The following CSMD1 variants were observed in gnomAD, a reference collection of about 807,000 sequenced individuals.
CSMD1 encodes the protein CUB and sushi domain-containing protein 1.
Under a neutral mutation model 417.5 loss-of-function variants are expected in CSMD1, and 213 were observed. The observed-to-expected ratio is 0.51, with a 90% confidence interval of 0.46 to 0.57. The LOEUF (loss-of-function observed/expected upper bound fraction) is 0.57. Ranked by LOEUF, CSMD1 falls within the 20% of genes least tolerant of loss-of-function variation. CSMD1 has a pLI of 0.00. For missense variants in CSMD1, 6,923 were observed against 4,529.7 expected (o/e 1.53, Z -15.17); for synonymous variants, 2,862 against 1,736.8 (o/e 1.65, Z -16.11).
intron 3 of CSMD1, among the ~76,000 whole-genome samples, chr8:4,067,850 G>C (rs1338690615): frequency 1.3e-5 from 2 of 152,112 alleles, no homozygotes; most frequent in Non-Finnish European, 2.9e-5. Context: ...AGGCCGAGGT[G>C]GGCGGATCAT....
At chr8:4,438,640 G>T (rs752381425) in intron 2 of CSMD1, among the ~76,000 whole-genome samples, 4 of 152,160 alleles carry the variant, frequency 2.6e-5, no homozygotes, top group Non-Finnish European at 5.9e-5. Flanking sequence ...TTATCCCATG[G>T]AGTAGTATTT....
rs76906462 is a variant in CSMD1 at position 4,647,371 on chromosome 8, C to G, written c.86-9813G>C. 1.6e-4 allele frequency among the ~76,000 whole-genome samples: 16 copies of G among 102,814 alleles called. No individual in the cohort carries two copies. In the East Asian group the frequency reaches 1.8e-3, roughly 12 times the overall value. 67.4% of individuals were successfully genotyped at this position (102,814 alleles called of 152,430 possible). ...ACGCGTGTGCCACGGCGGCCTGCTACGTAGGTACGCGTGTGCCACGGAGGT... is the reference window on the plus strand; with the variant it reads ...ACGCGTGTGCCACGGCGGCCTGCTAGGTAGGTACGCGTGTGCCACGGAGGT... On this transcript the variant is annotated intron_variant, in intron 1 of 69. Transcript: ENST00000635120.
At chr8:3,405,131 C>G (rs914639628) in intron 15 of CSMD1, among the ~76,000 whole-genome samples, 1 of 152,122 alleles carries the variant, frequency 6.6e-6, no homozygotes, top group African/African-American at 2.4e-5. Context: ...AATAATACGT[C>G]TCATTCACCT....
chr8:4,923,581 C>G (rs1469050910), intron 1 of CSMD1, among the ~76,000 whole-genome samples: 1 of 144,066 alleles, frequency 6.9e-6, no homozygotes, highest in Non-Finnish European at 1.6e-5. Flanking sequence ...TAAAATGAAG[C>G]CCTTGTGATA....
At chr8:4,729,063 G>C (rs1032594927) in intron 1 of CSMD1, among the ~76,000 whole-genome samples, 4 of 152,148 alleles carry the variant, frequency 2.6e-5, no homozygotes, top group African/African-American at 9.7e-5. Flanking sequence ...CCTGAATATA[G>C]ACAGGAAACA....
chr8:3,140,926 A>AT (rs1264683550), intron 41 of CSMD1, among the ~76,000 whole-genome samples: 3 of 152,064 alleles, frequency 2.0e-5, no homozygotes, highest in African/African-American at 4.8e-5. Context: ...TCAATCACTG[A>AT]TTTTTTTTCT....
Position 3,108,747 on chromosome 8 carries a change from C to T in CSMD1, c.6610G>A (p.Asp2204Asn). The T allele has an allele frequency of 5.0e-6, 8 of 1,608,660 alleles. No homozygotes were observed. The highest frequency in any genetic ancestry group is 6.8e-6 in the Non-Finnish European group (8 of 1,177,110). The change falls in exon 44 of 70, where the codon GAC becomes AAC. Residue 2204 changes from aspartate to asparagine, a missense_variant and splice_region_variant. Asp to Asn is a conservative substitution (Grantham distance 23, BLOSUM62 1). Coordinates refer to ENST00000635120, the MANE Select transcript of CSMD1 (RefSeq NM_033225.6). ...EAVNDYIAVW[D>N]GPDQNSPQLG... The stretch of plus-strand genomic sequence containing the variant: ...TGGGGTGAGTTCTGATCGGGACCGT[C>T]CCTAGGAAAGACAGAAAGAGGTGGC...
At chr8:4,431,474 G>C (rs1381925739) in intron 2 of CSMD1, among the ~76,000 whole-genome samples, 1 of 152,060 alleles carries the variant, frequency 6.6e-6, no homozygotes, top group Non-Finnish European at 1.5e-5. Context: ...GGCAGAGAGA[G>C]AAGAAAGTAG....
chr8:3,671,910 G>C (rs1013037485), intron 7 of CSMD1, among the ~76,000 whole-genome samples: 2 of 152,028 alleles, frequency 1.3e-5, no homozygotes, highest in African/African-American at 2.4e-5. Context: ...CCTCTGTCCT[G>C]TGTCGTTAGC....
chr8:3,136,440 T>G (rs184459013), intron 41 of CSMD1, among the ~76,000 whole-genome samples: 1 of 151,970 alleles, frequency 6.6e-6, no homozygotes. Context: ...AGTATTTGTA[T>G]TTTTAGTAGA....
At position 3,891,450 on chromosome 8, in the gene CSMD1, T is replaced by C. The variant is rs1419605051; in HGVS notation, c.818+106453A>G. 2.0e-5 allele frequency among the ~76,000 whole-genome samples: 3 copies of C among 152,044 alleles called. No individual in the cohort carries two copies. In the East Asian group the frequency reaches 5.8e-4, roughly 30 times the overall value. On this transcript the variant is annotated intron_variant, in intron 5 of 69. Coordinates refer to ENST00000635120, the MANE Select transcript of CSMD1 (RefSeq NM_033225.6). ...AACCCAGAACTTTGGGAGGCCAAGG[T>C]GGCAGAATTTCCTGTATACAGGAGT... is the stretch of plus-strand genomic sequence containing the variant.
chr8:3,000,124 G>A lies in CSMD1; in HGVS notation c.8037C>T (p.His2679=). The change falls in exon 53 of 70, where the codon CAC becomes CAT. Residue 2679 remains histidine (H), a synonymous_variant. Coordinates refer to ENST00000635120, the MANE Select transcript of CSMD1 (RefSeq NM_033225.6). The part of the protein sequence containing the change: ...SGSETRCLAG[H]CGSPDPIVNG... ...TCACAATCGGGTCTGGGGAACCGCA[G>A]TGGCCAGCTAAAAATGTTAAACCAA... is the stretch of plus-strand genomic sequence containing the variant. 1 of 1,543,110 alleles carries A rather than the reference G, an allele frequency of 6.5e-7. No individual in the cohort carries two copies. The highest frequency in any genetic ancestry group is 8.8e-7 in the Non-Finnish European group (1 of 1,142,078).
intron 51 of CSMD1, among the ~76,000 whole-genome samples, chr8:3,026,958 TA>T (rs1399966845): frequency 6.6e-6 from 1 of 151,970 alleles, no homozygotes; most frequent in Non-Finnish European, 1.5e-5. Flanking sequence ...AGGCAAGAGA[TA>T]AAAAGAGGAG....
intron 3 of CSMD1, among the ~76,000 whole-genome samples, chr8:4,347,321 T>G (rs146174138): frequency 6.6e-6 from 1 of 152,300 alleles, no homozygotes; most frequent in East Asian, 1.9e-4. Context: ...AATTATTCAG[T>G]CTATAGCATA....
intron 1 of CSMD1, among the ~76,000 whole-genome samples, chr8:4,789,106 A>T (rs1204659193): frequency 6.6e-6 from 1 of 152,240 alleles, no homozygotes; most frequent in African/African-American, 2.4e-5. Flanking sequence ...ATCATGAGAA[A>T]GCTACCTCTT....
chr8:4,506,517 G>A (rs2130314766), intron 2 of CSMD1, among the ~76,000 whole-genome samples: 1 of 152,248 alleles, frequency 6.6e-6, no homozygotes, highest in South Asian at 2.1e-4. Context: ...GGCAGGAGGC[G>A]GGGTTGGGGA....
intron 2 of CSMD1, among the ~76,000 whole-genome samples, chr8:4,553,551 T>C (rs1163147615): frequency 2.0e-5 from 3 of 152,084 alleles, no homozygotes; most frequent in African/African-American, 7.2e-5. Context: ...TTTTTAGCTA[T>C]CATATTTAAG....
intron 18 of CSMD1, among the ~76,000 whole-genome samples, chr8:3,377,440 A>C (rs933701981): frequency 1.3e-5 from 2 of 152,228 alleles, no homozygotes; most frequent in Non-Finnish European, 2.9e-5. Flanking sequence ...ATCGACAGAC[A>C]ATAAAGAAAC....
At chr8:3,392,175 G>C (rs566041096) in intron 17 of CSMD1, among the ~76,000 whole-genome samples, 5 of 151,430 alleles carry the variant, frequency 3.3e-5, no homozygotes, top group Admixed American at 2.0e-4. Context: ...GTTAATGGGT[G>C]CACCACATCA....
Sources: gnomAD v4.1 joint callset for allele counts (sites outside exome capture counted in the v4.1 genomes callset) on GRCh38, gnomAD v4.1.1 for gene constraint, MANE v1.5 for transcripts, NCBI Gene and HGNC (gene_info 2026-07-23, HGNC 2026-07-21) for gene names.